Variants in RFX7 observed in about 807,000 individuals in gnomAD.
RFX7 encodes the protein regulatory factor X7, also known as DNA-binding protein RFX7.
A neutral mutation model predicts 111.8 loss-of-function variants in RFX7; 26 were observed. The ratio of observed to expected loss-of-function variants is 0.23; its 90% CI spans 0.17 to 0.32. RFX7 has a LOEUF of 0.32. RFX7 is among the 10% of genes least tolerant of loss of function. The pLI, the probability that RFX7 is intolerant of heterozygous loss-of-function variation, is 1.00. For missense variants in RFX7, 1,573 were observed against 1,772.9 expected (o/e 0.89, Z 2.02); for synonymous variants, 624 against 624.4 (o/e 1.00, Z 0.01).
intron 2 of RFX7, among the ~76,000 whole-genome samples, chr15:56,216,891 A>T (rs75192296): frequency 0.13 from 19,791 of 152,154 alleles, 1,675 homozygotes; most frequent in East Asian, 0.44. Flanking sequence ...TCCTGGCTCA[A>T]GTGATCCTCC....
chr15:56,214,533 G>A (rs1256762809), intron 2 of RFX7, among the ~76,000 whole-genome samples: 1 of 151,176 alleles, frequency 6.6e-6, no homozygotes, highest in Non-Finnish European at 1.5e-5. Flanking sequence ...GGTTAACATG[G>A]TGAAACCCCG....
At chr15:56,143,575 G>A (rs997579927) in intron 4 of RFX7, among the ~76,000 whole-genome samples, 4 of 151,998 alleles carry the variant, frequency 2.6e-5, no homozygotes, top group Admixed American at 6.5e-5. Context: ...AATAAATACC[G>A]AAATGGACAC....
At chr15:56,096,657 C>A in intron 9 of RFX7, 37 bp from the exon 10 acceptor site, 2 of 1,516,156 alleles carry the variant, frequency 1.3e-6, no homozygotes, top group South Asian at 1.3e-5. Context: ...TTTAACAGGT[C>A]TAGCCTGTAA....
At chr15:56,244,830 C>G (rs2043807516), upstream of RFX7, among the ~76,000 whole-genome samples, 1 of 151,604 alleles carries the variant, frequency 6.6e-6, no homozygotes, top group African/African-American at 2.4e-5. Context: ...CCCCCCCTTC[C>G]CATTCATACC....
intron 5 of RFX7, among the ~76,000 whole-genome samples, chr15:56,138,836 G>T (rs1325979435): frequency 7.8e-4 from 119 of 152,058 alleles, no homozygotes; most frequent in Non-Finnish European, 1.6e-3. Context: ...CTCAGCATTT[G>T]CTTGTCTGTA....
Position 56,207,181 on chromosome 15 carries a change from G to C in RFX7, c.162-27878C>G, listed in dbSNP as rs1349339043. Among the ~76,000 whole-genome samples, 3 of 152,006 alleles carry C rather than the reference G, an allele frequency of 2.0e-5. No individual in the cohort carries two copies. In the East Asian group the frequency reaches 5.8e-4, roughly 29 times the overall value. ...AAAAATTAAAAAAGACCCCAAACTA[G>C]ACAAACACTGTAAGATTTCACTTTC... On this transcript the variant is annotated intron_variant, in intron 2 of 9. Transcript: ENST00000559447.
At chr15:56,223,188 A>G (rs2043444559) in intron 2 of RFX7, among the ~76,000 whole-genome samples, 1 of 152,118 alleles carries the variant, frequency 6.6e-6, no homozygotes. Flanking sequence ...TTGTTCTTAG[A>G]AGAGACTGGC....
chr15:56,198,520 G>A (rs1388890143), intron 2 of RFX7, among the ~76,000 whole-genome samples: 1 of 152,154 alleles, frequency 6.6e-6, no homozygotes, highest in African/African-American at 2.4e-5. Flanking sequence ...TAAAGGGGAA[G>A]AGGAATATGC....
chr15:56,201,107 G>C (rs1181123648), intron 2 of RFX7, among the ~76,000 whole-genome samples: 1 of 152,142 alleles, frequency 6.6e-6, no homozygotes, highest in Admixed American at 6.5e-5. Flanking sequence ...GACTATACCA[G>C]TGTCTCATAT....
chr15:56,175,624 C>T (rs752277187), intron 3 of RFX7, among the ~76,000 whole-genome samples: 2 of 152,088 alleles, frequency 1.3e-5, no homozygotes, highest in African/African-American at 2.4e-5. Context: ...TGGGGAGAGG[C>T]AGACTTTTCA....
At chr15:56,146,102 T>G (rs1470881947) in intron 3 of RFX7, among the ~76,000 whole-genome samples, 5 of 152,060 alleles carry the variant, frequency 3.3e-5, no homozygotes, top group African/African-American at 1.2e-4. Context: ...TTTTTTTTTG[T>G]CAAATTGTTT....
chr15:56,159,339 C>T (rs1476778180), intron 3 of RFX7, among the ~76,000 whole-genome samples: 2 of 152,110 alleles, frequency 1.3e-5, no homozygotes, highest in African/African-American at 4.8e-5. Context: ...AAATTCAGGA[C>T]GTATTTCGCC....
chr15:56,122,718 A>G (rs188954466), intron 5 of RFX7, among the ~76,000 whole-genome samples: 3 of 148,478 alleles, frequency 2.0e-5, no homozygotes, highest in Admixed American at 1.4e-4. Flanking sequence ...GCTTTATCCT[A>G]CTGCGGTTAA....
chr15:56,157,621 C>A (rs1446099652), intron 3 of RFX7, among the ~76,000 whole-genome samples: 2 of 152,258 alleles, frequency 1.3e-5, no homozygotes, highest in African/African-American at 2.4e-5. Flanking sequence ...TGCTCTCTTG[C>A]CCAGGCTGGA....
chr15:56,153,452 A>C (rs2042604610), intron 3 of RFX7, among the ~76,000 whole-genome samples: 1 of 152,170 alleles, frequency 6.6e-6, no homozygotes, highest in Non-Finnish European at 1.5e-5. Context: ...TCCAATCCAC[A>C]TAAACAACAA....
At chr15:56,166,093 G>GA (rs2042779101) in intron 3 of RFX7, among the ~76,000 whole-genome samples, 1 of 152,072 alleles carries the variant, frequency 6.6e-6, no homozygotes, top group Non-Finnish European at 1.5e-5. Flanking sequence ...GTAGAGATGG[G>GA]ATCTCCCTAT....
intron 2 of RFX7, among the ~76,000 whole-genome samples, chr15:56,219,526 C>G (rs2043402299): frequency 6.6e-6 from 1 of 152,164 alleles, no homozygotes; most frequent in Non-Finnish European, 1.5e-5. Flanking sequence ...ACCCTCTACC[C>G]TCAAGTAGGA....
chr15:56,159,067 T>A (rs1247495149), intron 3 of RFX7, among the ~76,000 whole-genome samples: 1 of 152,166 alleles, frequency 6.6e-6, no homozygotes, highest in South Asian at 2.1e-4. Context: ...CCTTTCTCGA[T>A]TCCATATATA....
At chr15:56,102,630 A>G (rs1390834144) in intron 6 of RFX7, among the ~76,000 whole-genome samples, 1 of 152,230 alleles carries the variant, frequency 6.6e-6, no homozygotes, top group Admixed American at 6.5e-5. Flanking sequence ...CTGGGACAAA[A>G]ACAACTCTTA....
Sources: allele counts gnomAD v4.1 joint callset (sites outside exome capture counted in the v4.1 genomes callset), GRCh38; gene constraint gnomAD v4.1.1; transcripts MANE v1.5; gene names NCBI Gene and HGNC (gene_info 2026-07-23, HGNC 2026-07-21).